Variants in CCDC186 observed in about 807,000 individuals in gnomAD.
CCDC186 encodes the protein coiled-coil domain containing 186.
Under a neutral mutation model 113.7 loss-of-function variants are expected in CCDC186, and 49 were observed. The observed-to-expected ratio is 0.43, with a 90% CI of 0.34 to 0.55. The LOEUF is 0.55. Among genes scored for constraint, CCDC186 ranks in the 20% least tolerant of loss-of-function variants. The probability of loss-of-function intolerance (pLI) is 0.02; values close to 1 mark genes in which losing one functional copy is unlikely to be tolerated. For missense variants in CCDC186, 890 were observed against 1,011.1 expected, an observed-to-expected ratio of 0.88 and a Z score of 1.62; for synonymous variants, 355 against 345.8, an observed-to-expected ratio of 1.03 and a Z score of -0.30.
Position 114,162,950 on chromosome 10 carries a change from T to G in CCDC186, c.319A>C (p.Lys107Gln), listed in dbSNP as rs544220874. Residue 107 changes from lysine to glutamine, a missense_variant, in exon 2 of 16, where the codon AAA becomes CAA. Lys to Gln is a moderately conservative substitution (Grantham distance 53). Transcript: ENST00000369287. Reference sequence around the variant, plus strand: ...ACTTTCTGTTCTGTTTCATTTGTTTTTGAAATATGTTTAGCAAAATTTCCA... The same window carrying G: ...ACTTTCTGTTCTGTTTCATTTGTTTGTGAAATATGTTTAGCAAAATTTCCA... ...PSGNFAKHIS[K>Q]TNETEQKVTQ... 2 of 1,613,326 alleles carry G rather than the reference T, an allele frequency of 1.2e-6. No homozygotes were observed. Among genetic ancestry groups the G allele is most frequent in the Non-Finnish European group, 1.7e-6 (2 of 1,179,786 alleles).
intron 13 of CCDC186, among the ~76,000 whole-genome samples, chr10:114,128,200 T>C (rs1356938433): frequency 1.3e-5 from 2 of 152,192 alleles, no homozygotes; most frequent in Non-Finnish European, 2.9e-5. Context: ...TTTAAATGAA[T>C]ACATGTGAAA....
rs757920476 is a variant in CCDC186, at chr10:114,151,043, A to C, written c.888+49T>G. 2.5e-6 allele frequency: 4 copies of C among 1,598,372 alleles called. No homozygotes were observed. In the South Asian group the frequency reaches 4.5e-5, roughly 18 times the overall value. On this transcript the variant is annotated intron_variant, in intron 4 of 15. Transcript: ENST00000369287. ...ACAGTGTTAGCTTATTTTAACAAAC[A>C]AGAGTCACCAGAATATCAAGTTAAT...
At chr10:114,135,199 G>T in intron 9 of CCDC186, 144 bp from the exon 10 acceptor site, 1 of 828,844 alleles carries the variant, frequency 1.2e-6, no homozygotes, top group Middle Eastern at 3.8e-4. Context: ...TACAATCCTA[G>T]CTTTTAGTCT....
intron 1 of CCDC186, among the ~76,000 whole-genome samples, chr10:114,171,634 G>C (rs17714643): frequency 0.086 from 13,066 of 152,124 alleles, 676 homozygotes; most frequent in Middle Eastern, 0.15. Context: ...AAAAAGTTTG[G>C]GTTAATGTTT....
At position 114,132,042 on chromosome 10, in the gene CCDC186, C is replaced by T. The variant is rs768030833; in HGVS notation, c.1798G>A (p.Ala600Thr). ...LFTERLTSKN[A>T]QLQSESNSLQ... ...GAATTGGATTCAGACTGAAGCTGTGCATTCTTACTAGTGAGCCTTTCTGTA... is the reference window on the plus strand; with the variant it reads ...GAATTGGATTCAGACTGAAGCTGTGTATTCTTACTAGTGAGCCTTTCTGTA... Residue 600 changes from alanine to threonine, a missense_variant, in exon 11 of 16, where the codon GCA (alanine) becomes ACA (threonine). By Grantham distance (58) the Ala-to-Thr change is moderately conservative. Coordinates refer to ENST00000369287, the MANE Select transcript of CCDC186 (RefSeq NM_018017.4). 5 of 1,613,504 alleles carry T rather than the reference C, an allele frequency of 3.1e-6. No homozygotes were observed. In the East Asian group the frequency reaches 8.9e-5, roughly 29 times the overall value.
chr10:114,135,799 A>C, intron 9 of CCDC186, 92 bp downstream of exon 9: 4 of 994,390 alleles, frequency 4.0e-6, no homozygotes, highest in Non-Finnish European at 6.0e-6. Flanking sequence ...TTCTATATTA[A>C]TGTCCTTTCC....
chr10:114,170,635 G>T (rs376524237), intron 1 of CCDC186, among the ~76,000 whole-genome samples: 1 of 152,154 alleles, frequency 6.6e-6, no homozygotes, highest in Non-Finnish European at 1.5e-5. Context: ...AAATTTAACT[G>T]TAATATACTG....
At chr10:114,151,289 A>G in intron 3 of CCDC186, 69 bp from the exon 4 acceptor site, 1 of 1,113,498 alleles carries the variant, frequency 9.0e-7, no homozygotes, top group Non-Finnish European at 1.3e-6. Flanking sequence ...CTGCAAATAA[A>G]TATAAACAAA....
intron 6 of CCDC186, among the ~76,000 whole-genome samples, chr10:114,138,663 C>A (rs1469297198): frequency 2.6e-5 from 4 of 152,106 alleles, no homozygotes; most frequent in African/African-American, 9.7e-5. Flanking sequence ...ACTTCTTCTT[C>A]TTCTTATTCT....
At chr10:114,153,782 G>A (rs569341567) in intron 3 of CCDC186, among the ~76,000 whole-genome samples, 29 of 124,372 alleles carry the variant, frequency 2.3e-4, no homozygotes, top group South Asian at 2.3e-3. Flanking sequence ...GCGAAATGAC[G>A]TCTCAAAAAA....
intron 5 of CCDC186, among the ~76,000 whole-genome samples, chr10:114,144,836 A>C (rs1348670392): frequency 6.6e-6 from 1 of 152,168 alleles, no homozygotes; most frequent in African/African-American, 2.4e-5. Flanking sequence ...TTACATTTTA[A>C]CCAATTGGAT....
intron 1 of CCDC186, among the ~76,000 whole-genome samples, chr10:114,170,717 G>C (rs1353163632): frequency 6.6e-6 from 1 of 152,094 alleles, no homozygotes; most frequent in Admixed American, 6.6e-5. Flanking sequence ...TGTTTTATGA[G>C]ACCAAGGTTA....
chr10:114,130,991 G>A (rs760140266), intron 12 of CCDC186, 156 bp downstream of exon 12: 7 of 504,146 alleles, frequency 1.4e-5, no homozygotes, highest in East Asian at 7.0e-5. Context: ...ATAAAAGATC[G>A]GTCATGAAAT....
At chr10:114,154,210 C>CAAAA (rs1276405190) in intron 3 of CCDC186, among the ~76,000 whole-genome samples, 1 of 81,162 alleles carries the variant, frequency 1.2e-5, no homozygotes, top group African/African-American at 3.9e-5. Context: ...GACCTTGTCT[C>CAAAA]AAAAAAAAAA....
At chr10:114,151,600 G>C (rs934993335) in intron 3 of CCDC186, among the ~76,000 whole-genome samples, 3 of 151,858 alleles carry the variant, frequency 2.0e-5, no homozygotes, top group African/African-American at 7.2e-5. Context: ...ATTCTGAGTA[G>C]TGTGATGAAA....
chr10:114,165,552 G>A (rs570326503), intron 1 of CCDC186, among the ~76,000 whole-genome samples: 3 of 152,168 alleles, frequency 2.0e-5, no homozygotes, highest in African/African-American at 4.8e-5. Context: ...TTAGCTGGGC[G>A]TGGTGGCAGC....
rs1004448566 is a variant in CCDC186, at chr10:114,122,951, C to T, written c.*2192G>A. Reference sequence around the variant, plus strand: ...GTAGATGGTAGCACAAATATTAATACTGGAGTGTGCATTTTTGTCTAAAAT... The same window carrying T: ...GTAGATGGTAGCACAAATATTAATATTGGAGTGTGCATTTTTGTCTAAAAT... On this transcript the variant is annotated 3_prime_UTR_variant, in exon 16 of 16. Coordinates refer to ENST00000369287, the MANE Select transcript of CCDC186 (RefSeq NM_018017.4). 1 of 152,062 alleles carries T rather than the reference C, an allele frequency of 6.6e-6. No individual in the cohort carries two copies. The highest frequency in any genetic ancestry group is 2.4e-5 in the African/African-American group (1 of 41,398). The allele number at this position is 152,062 out of a possible 1,614,324, so 9.4% of individuals were successfully genotyped here. A position where few individuals can be genotyped will look rare whatever the true frequency, so the allele number is the denominator to read the frequency against.
intron 12 of CCDC186, 137 bp downstream of exon 12, chr10:114,131,010 G>A (rs2031068984): frequency 1.5e-6 from 1 of 651,642 alleles, no homozygotes; most frequent in Non-Finnish European, 2.3e-6. Flanking sequence ...ATTCCAAGAA[G>A]TTTAACAATT....
Position 114,135,978 on chromosome 10 carries a change from C to CT in CCDC186, c.1426-2dup. 1 of 1,610,590 alleles carries CT rather than the reference C, an allele frequency of 6.2e-7. No individual in the cohort carries two copies. Among genetic ancestry groups the CT allele is most frequent in the Non-Finnish European group, 8.5e-7 (1 of 1,177,540 alleles). ...GTTCCTTTATTTTGGCATGATGCAT[C>CT]TTTAAAAAAGTTTAAAAGAAACAAC... On this transcript the variant is annotated splice_acceptor_variant, in intron 8 of 15. Coordinates refer to ENST00000369287, the MANE Select transcript of CCDC186 (RefSeq NM_018017.4). LOFTEE classifies it high-confidence loss of function.
Sources: allele counts gnomAD v4.1 joint callset (sites outside exome capture counted in the v4.1 genomes callset), GRCh38; gene constraint gnomAD v4.1.1; transcripts MANE v1.5; gene names NCBI Gene and HGNC (gene_info 2026-07-23, HGNC 2026-07-21).